The following TMEM164 variants were observed in gnomAD, a reference collection of about 807,000 sequenced individuals.
TMEM164 encodes transmembrane protein 164.
In TMEM164, 4 loss-of-function variants were observed where a neutral mutation model predicts 18.8. The observed-to-expected ratio is 0.21, with a 90% CI of 0.10 to 0.49. The LOEUF (loss-of-function observed/expected upper bound fraction) is 0.49, where lower values mean the gene tolerates loss of function less well. Among genes scored for constraint, TMEM164 ranks in the 20% least tolerant of loss-of-function variants. The probability of loss-of-function intolerance (pLI) is 0.98; values close to 1 mark genes in which losing one functional copy is unlikely to be tolerated. For missense variants in TMEM164, 108 were observed against 239.9 expected (o/e 0.45, Z 3.63); for synonymous variants, 86 against 101.7 (o/e 0.85, Z 0.93).
In TMEM164 at chrX:110,052,427, G is replaced by C. The variant is rs1223929378; in HGVS notation, c.391-14920G>C. ...ACAAACTGCCATTACCAGATTCTTG[G>C]AAATCCTGAGAATTACTGCATGCAT... On this transcript the variant is annotated intron_variant, in intron 2 of 6. Transcript: ENST00000372068. 7.1e-5 allele frequency among the ~76,000 whole-genome samples: 8 copies of C among 112,397 alleles called. No individual in the cohort carries two copies. The Admixed American group carries it at 7.5e-4, about 11-fold the overall frequency.
intron 4 of TMEM164, among the ~76,000 whole-genome samples, chrX:110,124,176 A>AAGGAAGGAAGGC (rs59507144): frequency 0.027 from 2,057 of 77,073 alleles, 87 homozygotes; most frequent in East Asian, 0.13. Context: ...GGAAGGAAGG[A>AAGGAAGGAAGGC]AGGCAGGAAG....
At chrX:110,072,649 A>G (rs1182419584) in intron 3 of TMEM164, among the ~76,000 whole-genome samples, 1 of 111,094 alleles carries the variant, frequency 9.0e-6, no homozygotes, top group Non-Finnish European at 1.9e-5. Flanking sequence ...TCAGGTTAGT[A>G]AGCACTTATC....
At chrX:110,046,590 T>G (rs1288580776) in intron 2 of TMEM164, 1 of 516,281 alleles carries the variant, frequency 1.9e-6, no homozygotes, top group Non-Finnish European at 2.4e-6. Context: ...TGAGTTTCTC[T>G]TCTGGTGTCA....
chrX:110,099,966 G>T (rs1033139706), intron 3 of TMEM164, among the ~76,000 whole-genome samples: 4 of 111,933 alleles, frequency 3.6e-5, no homozygotes, highest in African/African-American at 1.3e-4. Flanking sequence ...ATTTTAAGTG[G>T]TTCTTTCAAA....
At chrX:110,137,210 G>A (rs1602689542) in intron 4 of TMEM164, among the ~76,000 whole-genome samples, 1 of 111,260 alleles carries the variant, frequency 9.0e-6, no homozygotes, top group African/African-American at 3.3e-5. Flanking sequence ...CGATTTATGA[G>A]CTTCTCTCCC....
Position 110,177,417 on chromosome X carries a change from C to T in TMEM164, c.*3966C>T, listed in dbSNP as rs547934737. ...GGGATTGCTATGCACTGGGCAGACCCGTCACTGTCTCCCCTGAACCCCCAC... is the reference window on the plus strand; with the variant it reads ...GGGATTGCTATGCACTGGGCAGACCTGTCACTGTCTCCCCTGAACCCCCAC... On this transcript the variant is annotated 3_prime_UTR_variant, in exon 7 of 7. Coordinates refer to ENST00000372068, the MANE Select transcript of TMEM164 (RefSeq NM_032227.4). 2 of 111,504 alleles carry T rather than the reference C, an allele frequency of 1.8e-5. No homozygotes were observed. The highest frequency in any genetic ancestry group is 9.5e-5 in the Admixed American group (1 of 10,578). 9.2% of individuals were successfully genotyped at this position (111,504 alleles called of 1,213,427 possible).
In TMEM164 at chrX:110,060,862, C is replaced by T. The variant is rs759151078; in HGVS notation, c.391-6485C>T. ...ATACAATTTGGGCATCCAATAAGGA[C>T]GATGCTATCAATAGCTCATACTTAT... On this transcript the variant is annotated intron_variant, in intron 2 of 6. Transcript: ENST00000372068. 7.1e-5 allele frequency among the ~76,000 whole-genome samples: 8 copies of T among 112,010 alleles called. No individual in the cohort carries two copies. The East Asian group carries it at 1.1e-3, about 16-fold the overall frequency.
intron 2 of TMEM164, among the ~76,000 whole-genome samples, chrX:110,062,327 A>G (rs11152597): frequency 0.46 from 51,454 of 111,080 alleles, 9,951 homozygotes; most frequent in Non-Finnish European, 0.62. Context: ...AAAATAGTTT[A>G]ACATTTCTGG....
chrX:110,063,878 G>A (rs1366599591), intron 2 of TMEM164, among the ~76,000 whole-genome samples: 3 of 111,252 alleles, frequency 2.7e-5, no homozygotes, highest in Admixed American at 1.9e-4. Flanking sequence ...TGGGGCTGTT[G>A]GGGTGACTCC....
In TMEM164 at chrX:110,109,602, C is replaced by T. The variant is rs185968788; in HGVS notation, c.507+456C>T. Among the ~76,000 whole-genome samples the T allele has an allele frequency of 4.6e-3, 519 of 112,513 alleles. 2 individuals are homozygous for T. The highest frequency in any genetic ancestry group is 0.015 in the African/African-American group (464 of 31,037). ...GGTTTAATGGAAAGAAAGCAGCTTT[C>T]AGGTGTTCTAAGGGGCTCTCGTTAG... On this transcript the variant is annotated intron_variant, in intron 4 of 6. Coordinates refer to ENST00000372068, the MANE Select transcript of TMEM164 (RefSeq NM_032227.4).
In TMEM164 at chrX:110,079,552, T is replaced by C. The variant is rs185485113; in HGVS notation, c.440+12156T>C. 7.0e-3 allele frequency among the ~76,000 whole-genome samples: 777 copies of C among 111,709 alleles called. 5 individuals carry two copies. The highest frequency in any genetic ancestry group is 0.022 in the African/African-American group (682 of 30,761). The stretch of plus-strand genomic sequence containing the variant: ...GATCTTTATCCCACCTGTTTAAAAT[T>C]TCCATTGAAAGCTCTGTCCTCATCT... On this transcript the variant is annotated intron_variant, in intron 3 of 6. Transcript: ENST00000372068.
intron 4 of TMEM164, among the ~76,000 whole-genome samples, chrX:110,129,734 A>G (rs763356691): frequency 2.3e-4 from 26 of 112,191 alleles, no homozygotes; most frequent in Non-Finnish European, 3.8e-4. Flanking sequence ...CCAGGAGGAC[A>G]TTCTAATTCT....
At chrX:110,114,603 C>T (rs933748649) in intron 4 of TMEM164, among the ~76,000 whole-genome samples, 1 of 111,911 alleles carries the variant, frequency 8.9e-6, no homozygotes, top group African/African-American at 3.3e-5. Context: ...AAATGAGACA[C>T]TGGGCCCATG....
At chrX:110,163,324 AG>A (rs2148117216) in intron 5 of TMEM164, among the ~76,000 whole-genome samples, 1 of 112,593 alleles carries the variant, frequency 8.9e-6, no homozygotes, top group Admixed American at 9.3e-5. Context: ...TAAGAGAAAC[AG>A]GTGACATTAA....
At chrX:110,097,469 G>A (rs540237506) in intron 3 of TMEM164, among the ~76,000 whole-genome samples, 1 of 112,626 alleles carries the variant, frequency 8.9e-6, no homozygotes, top group South Asian at 3.6e-4. Context: ...TAGAAGTTAA[G>A]TGAAAAATGT....
intron 3 of TMEM164, among the ~76,000 whole-genome samples, chrX:110,077,030 G>T (rs34275074): frequency 0.43 from 47,945 of 110,835 alleles, 9,295 homozygotes; most frequent in Non-Finnish European, 0.61. Flanking sequence ...CTGACTTGAT[G>T]ATCTGTCTAA....
intron 2 of TMEM164, among the ~76,000 whole-genome samples, chrX:110,027,065 G>A (rs1414352646): frequency 9.1e-6 from 1 of 110,365 alleles, no homozygotes; most frequent in African/African-American, 3.3e-5. Flanking sequence ...GAGACCTCCC[G>A]TATAGTGCTT....
rs372216118 is a variant in TMEM164 at position 110,067,355 on chromosome X, C to T, written c.399C>T (p.Leu133=). The T allele has an allele frequency of 1.2e-4, 149 of 1,209,703 alleles. No homozygotes were observed. The highest frequency in any genetic ancestry group is 1.6e-4 in the Non-Finnish European group (145 of 894,889). The change falls in exon 3 of 7, where the codon CTC becomes CTT. Residue 133 remains leucine, a synonymous_variant. Transcript: ENST00000372068. ...CHLVTMMHIF[L]LACPPCRGAI... is the part of the protein sequence containing the mutation. ...TTCTTCTTCAATTGCAGATCTTTCT[C>T]CTGGCCTGCCCTCCATGTCGGGGAG...
At chrX:110,017,104 C>T (rs1466586244) in intron 2 of TMEM164, among the ~76,000 whole-genome samples, 1 of 112,150 alleles carries the variant, frequency 8.9e-6, no homozygotes, top group Non-Finnish European at 1.9e-5. Context: ...CTGAGAACAA[C>T]TAATTTGTTT....
Sources: allele counts gnomAD v4.1 joint callset (sites outside exome capture counted in the v4.1 genomes callset), GRCh38; gene constraint gnomAD v4.1.1; transcripts MANE v1.5; gene names NCBI Gene and HGNC (gene_info 2026-07-23, HGNC 2026-07-21).